Variants in IP6K2 observed in about 807,000 individuals in gnomAD.
IP6K2 encodes ATP:1D-myo-inositol-hexakisphosphate phosphotransferase.
Under a neutral mutation model 43.3 loss-of-function variants are expected in IP6K2, and 9 were observed. The ratio of observed to expected loss-of-function variants is 0.21; its 90% CI spans 0.13 to 0.36. IP6K2 has a LOEUF of 0.36. Among genes scored for constraint, IP6K2 ranks in the 10% least tolerant of loss-of-function variants. The pLI is 1.00. For synonymous variants in IP6K2, 209 were observed against 202.4 expected, an observed-to-expected ratio of 1.03 and a Z score of -0.28; for missense variants, 332 against 538.4, an observed-to-expected ratio of 0.62 and a Z score of 3.79.
chr3:48,688,251 A>G lies in IP6K2; in HGVS notation c.*22T>C. ...TGCCTGGGACACAGAGTCGCTCTCA[A>G]GTACTGGAGCAGCTAGCAAGCTCAC... is the stretch of plus-strand genomic sequence containing the variant. On this transcript the variant is annotated 3_prime_UTR_variant, in exon 6 of 6. Coordinates refer to ENST00000328631, the MANE Select transcript of IP6K2 (RefSeq NM_016291.4). This position sits in a 1 kb window ranked among gnomAD's most constrained non-coding sequence, Gnocchi z 5.1. The G allele has an allele frequency of 6.2e-7, 1 of 1,608,676 alleles. No homozygotes were observed. Among genetic ancestry groups the G allele is most frequent in the Non-Finnish European group, 8.5e-7 (1 of 1,175,714 alleles).
At chr3:48,703,707 ACT>A (rs1266221417) in intron 1 of IP6K2, among the ~76,000 whole-genome samples, 1 of 151,822 alleles carries the variant, frequency 6.6e-6, no homozygotes, top group Non-Finnish European at 1.5e-5. Context: ...ACAGAGCTAG[ACT>A]CTGTCTCAAA....
At chr3:48,703,984 T>C (rs1311888766) in intron 1 of IP6K2, among the ~76,000 whole-genome samples, 1 of 151,436 alleles carries the variant, frequency 6.6e-6, no homozygotes, top group Non-Finnish European at 1.5e-5. Context: ...CCCAGCTACT[T>C]GGGAGGCTGA....
At chr3:48,690,484 G>A (rs1463473581) in intron 4 of IP6K2, among the ~76,000 whole-genome samples, 1 of 152,006 alleles carries the variant, frequency 6.6e-6, no homozygotes, top group East Asian at 1.9e-4. Flanking sequence ...AAGGGGAGGG[G>A]AGGGGAGGGG....
At chr3:48,690,283 G>T (rs558840685) in intron 4 of IP6K2, among the ~76,000 whole-genome samples, 1 of 152,334 alleles carries the variant, frequency 6.6e-6, no homozygotes, top group South Asian at 2.1e-4. Flanking sequence ...CTATGGCCCA[G>T]TGCTTGCTGT....
In IP6K2 at chr3:48,688,375, G is replaced by A. The variant is rs375477556; in HGVS notation, c.1179C>T (p.Gly393=). The A allele has an allele frequency of 2.7e-5, 44 of 1,614,086 alleles. No individual in the cohort carries two copies. Among genetic ancestry groups the A allele is most frequent in the African/African-American group, 2.5e-4 (19 of 74,932 alleles). The change falls in exon 6 of 6, where the codon GGC becomes GGT. Residue 393 remains glycine, a synonymous_variant. Coordinates refer to ENST00000328631, the MANE Select transcript of IP6K2 (RefSeq NM_016291.4). The surrounding 1 kb of genome is among the most constrained non-coding windows in gnomAD (Gnocchi z 5.1). ...DFAHTTCRLY[G]EDTVVHEGQD... ...GGCCCTCATGCACCACGGTGTCCTCGCCATACAGCCTGCAGGTGGTGTGTG... is the reference window on the plus strand; with the variant it reads ...GGCCCTCATGCACCACGGTGTCCTCACCATACAGCCTGCAGGTGGTGTGTG...
At chr3:48,707,285 C>G (rs1398774571) in intron 1 of IP6K2, among the ~76,000 whole-genome samples, 1 of 152,118 alleles carries the variant, frequency 6.6e-6, no homozygotes, top group Non-Finnish European at 1.5e-5. Flanking sequence ...GTTTTAAATC[C>G]ACCTAGAAAC....
intron 1 of IP6K2, among the ~76,000 whole-genome samples, chr3:48,702,323 T>C (rs138147404): frequency 1.7e-3 from 260 of 152,308 alleles, no homozygotes; most frequent in African/African-American, 6.1e-3. Flanking sequence ...CAAATATGCC[T>C]GATACACATG....
At position 48,694,453 on chromosome 3, in the gene IP6K2, TCTTA is replaced by T. The variant is rs558371545; in HGVS notation, c.202+633_202+636del. 3.4e-4 allele frequency: 534 copies of T among 1,549,328 alleles called. 3 individuals carry two copies. The African/African-American group carries it at 6.3e-3, about 18-fold the overall frequency. On this transcript the variant is annotated intron_variant, in intron 2 of 5. Coordinates refer to ENST00000328631, the MANE Select transcript of IP6K2 (RefSeq NM_016291.4). ...TTTAAAATTAATTTCTTTAATGGATTCTTACTTGATTTACAAAAGACTCCCCCAC... is the reference window on the plus strand; with the variant it reads ...TTTAAAATTAATTTCTTTAATGGATTCTTGATTTACAAAAGACTCCCCCAC...
Position 48,689,673 on chromosome 3 carries a change from C to T in IP6K2, c.645G>A (p.Val215=). 6.2e-7 allele frequency: 1 copy of T among 1,614,090 alleles called. No individual in the cohort carries two copies. The highest frequency in any genetic ancestry group is 1.1e-5 in the South Asian group (1 of 91,080). The change falls in exon 5 of 6, where the codon GTG becomes GTA. Residue 215 remains valine (V), a synonymous_variant. Coordinates refer to ENST00000328631, the MANE Select transcript of IP6K2 (RefSeq NM_016291.4). ...CCATCTTGAGGTCAAGGACACAAGG[C>T]ACCTCGTAGCGGGAAGTCAGGTTTT... is the stretch of plus-strand genomic sequence containing the variant. The part of the protein sequence containing the change: ...LLENLTSRYE[V]PCVLDLKMGT...
At chr3:48,710,102 T>G (rs2080310369) in intron 1 of IP6K2, among the ~76,000 whole-genome samples, 1 of 152,162 alleles carries the variant, frequency 6.6e-6, no homozygotes, top group Non-Finnish European at 1.5e-5. Flanking sequence ...CGCACGCATT[T>G]GAGGCCAGGC....
chr3:48,710,770 C>T (rs550903526), intron 1 of IP6K2, among the ~76,000 whole-genome samples: 59 of 152,206 alleles, frequency 3.9e-4, no homozygotes, highest in Non-Finnish European at 8.2e-4. Context: ...CCACCACGCC[C>T]GGCTAATTTT....
In IP6K2 at chr3:48,695,076, C is replaced by T. The variant is rs769596688; in HGVS notation, c.202+14G>A. On this transcript the variant is annotated intron_variant, in intron 2 of 5. Transcript: ENST00000328631. The surrounding 1 kb of genome is among the most constrained non-coding windows in gnomAD (Gnocchi z 4.6). ...CTCGCCAGTGTGGCAACCCCTCCAG[C>T]AGCTGGGACTTACCTTTGTACTGGG... is the stretch of plus-strand genomic sequence containing the variant. 18 of 1,613,946 alleles carry T rather than the reference C, an allele frequency of 1.1e-5. No individual in the cohort carries two copies. The highest frequency in any genetic ancestry group is 1.5e-5 in the Non-Finnish European group (18 of 1,179,910).
At chr3:48,696,708 G>A (rs1034471413) in intron 1 of IP6K2, among the ~76,000 whole-genome samples, 1 of 152,190 alleles carries the variant, frequency 6.6e-6, no homozygotes, top group Non-Finnish European at 1.5e-5. Context: ...ATTTTACTGG[G>A]AACTCCTTCA....
intron 3 of IP6K2, among the ~76,000 whole-genome samples, chr3:48,691,742 G>A (rs1396982779): frequency 6.6e-6 from 1 of 152,050 alleles, no homozygotes; most frequent in East Asian, 1.9e-4. Flanking sequence ...AGGTTGCAGT[G>A]AGCCTAGAAG....
At chr3:48,694,438 A>C (rs1211319858) in intron 2 of IP6K2, 1 of 1,548,460 alleles carries the variant, frequency 6.5e-7, no homozygotes, top group African/African-American at 1.4e-5. Flanking sequence ...TTTAAAATTA[A>C]TTTCTTTAAT....
intron 1 of IP6K2, among the ~76,000 whole-genome samples, chr3:48,703,252 C>G (rs1423113882): frequency 6.6e-6 from 1 of 152,156 alleles, no homozygotes; most frequent in Non-Finnish European, 1.5e-5. Context: ...TGAGAAAAGA[C>G]TAGTTAATGA....
At chr3:48,713,883 G>A (rs189804905) in intron 1 of IP6K2, among the ~76,000 whole-genome samples, 6 of 152,110 alleles carry the variant, frequency 3.9e-5, no homozygotes, top group Admixed American at 6.5e-5. Flanking sequence ...TTGGGAGGCC[G>A]AGGTGGGTGG....
At position 48,695,443 on chromosome 3, in the gene IP6K2, A is replaced by G; in HGVS notation, c.-130-22T>C. 1 of 1,408,004 alleles carries G rather than the reference A, an allele frequency of 7.1e-7. No individual in the cohort carries two copies. The highest frequency in any genetic ancestry group is 9.3e-7 in the Non-Finnish European group (1 of 1,078,964). The allele number at this position is 1,408,004 out of a possible 1,614,324, so 87.2% of individuals were successfully genotyped here. On this transcript the variant is annotated intron_variant, in intron 1 of 5. Coordinates refer to ENST00000328631, the MANE Select transcript of IP6K2 (RefSeq NM_016291.4). This position sits in a 1 kb window ranked among gnomAD's most constrained non-coding sequence, Gnocchi z 4.6. ...TCTGCTGGAAGCAAACAAAATGATG[A>G]CATGGGGGTTCGAAGTAGCGTGGGA...
At position 48,688,789 on chromosome 3, in the gene IP6K2, C is replaced by G; in HGVS notation, c.781-16G>C. On this transcript the variant is annotated splice_polypyrimidine_tract_variant and intron_variant, in intron 5 of 5. Transcript: ENST00000328631. The surrounding 1 kb of genome is among the most constrained non-coding windows in gnomAD (Gnocchi z 5.1). ...CTTGGTACACCTGTAGGAGAGAGACCAGCAAGTCAGGGGCTGAGGGCCATC... is the reference window on the plus strand; with the variant it reads ...CTTGGTACACCTGTAGGAGAGAGACGAGCAAGTCAGGGGCTGAGGGCCATC... 6.3e-7 allele frequency: 1 copy of G among 1,586,326 alleles called. No individual in the cohort carries two copies. The highest frequency in any genetic ancestry group is 8.6e-7 in the Non-Finnish European group (1 of 1,163,994).
Sources: gnomAD v4.1 joint callset for allele counts (sites outside exome capture counted in the v4.1 genomes callset) on GRCh38, gnomAD v4.1.1 for gene constraint, Gnocchi (gnomAD v3.1) non-coding constraint, MANE v1.5 for transcripts, NCBI Gene and HGNC (gene_info 2026-07-23, HGNC 2026-07-21) for gene names.